EHD3: variants seen among roughly 807,000 people sequenced by gnomAD.
EHD3 encodes EH domain containing 3, also known as EH domain-containing protein 3.
A neutral mutation model predicts 43.0 loss-of-function variants in EHD3; 17 were observed. The observed-to-expected ratio is 0.40, with a 90% CI of 0.27 to 0.59. The LOEUF (loss-of-function observed/expected upper bound fraction) is 0.59. EHD3 is among the 20% of genes least tolerant of loss of function. The pLI, the probability that EHD3 is intolerant of heterozygous loss-of-function variation, is 0.49. For missense variants in EHD3, 594 were observed against 705.6 expected (o/e 0.84, Z 1.79); for synonymous variants, 313 against 289.5 (o/e 1.08, Z -0.82).
At chr2:31,240,586 G>A (rs1399173761) in intron 1 of EHD3, among the ~76,000 whole-genome samples, 1 of 152,198 alleles carries the variant, frequency 6.6e-6, no homozygotes, top group Non-Finnish European at 1.5e-5. Context: ...GGGTTTAGCA[G>A]GACAAACTCT....
chr2:31,263,289 T>C (rs1436016410), intron 5 of EHD3, among the ~76,000 whole-genome samples: 6 of 152,204 alleles, frequency 3.9e-5, no homozygotes, highest in Non-Finnish European at 5.9e-5. Context: ...TAAGCAAACA[T>C]TTGGGAAGAT....
At chr2:31,249,553 C>T (rs2148719024) in intron 3 of EHD3, 85 bp downstream of exon 3, 2 of 1,203,578 alleles carry the variant, frequency 1.7e-6, no homozygotes, top group Admixed American at 3.8e-5. Flanking sequence ...GAGAAGCACC[C>T]AGGGCCATGC....
chr2:31,261,922 C>T (rs933395876), intron 5 of EHD3, among the ~76,000 whole-genome samples: 1 of 152,172 alleles, frequency 6.6e-6, no homozygotes, highest in African/African-American at 2.4e-5. Context: ...AAACACGGAG[C>T]CCACCGCCCC....
chr2:31,250,969 T>G (rs1399048955), intron 3 of EHD3, among the ~76,000 whole-genome samples: 1 of 152,178 alleles, frequency 6.6e-6, no homozygotes, highest in Non-Finnish European at 1.5e-5. Context: ...TGTGCCACAA[T>G]AGTGGGGCCC....
intron 1 of EHD3, among the ~76,000 whole-genome samples, chr2:31,238,065 G>C (rs1683354632): frequency 6.6e-6 from 1 of 152,126 alleles, no homozygotes; most frequent in South Asian, 2.1e-4. Context: ...AGGTTGGGCA[G>C]GGTTTTGTTT....
At chr2:31,253,893 C>G (rs1378737387) in intron 3 of EHD3, among the ~76,000 whole-genome samples, 1 of 152,164 alleles carries the variant, frequency 6.6e-6, no homozygotes. Context: ...TGGCTCATTA[C>G]TGGGAAGAAG....
chr2:31,264,920 T>G (rs1683918132), intron 5 of EHD3, among the ~76,000 whole-genome samples: 1 of 152,210 alleles, frequency 6.6e-6, no homozygotes, highest in Admixed American at 6.5e-5. Context: ...ATCCTTATTC[T>G]ATAAGTTTTT....
In EHD3 at chr2:31,266,348, C is replaced by G; in HGVS notation, c.1252C>G (p.Leu418Val). ...GAAGGGCGGAGCGTTCGAGGGCACC[C>G]TGCACGGCCCCTTTGGGCATGGCTA... ...MVKGGAFEGT[L>V]HGPFGHGYGE... is the part of the protein sequence containing the mutation. Residue 418 changes from leucine to valine, a missense_variant, in exon 6 of 6, where the codon CTG (leucine) becomes GTG (valine). Leu to Val is a conservative substitution (Grantham distance 32). Coordinates refer to ENST00000322054, the MANE Select transcript of EHD3 (RefSeq NM_014600.3). The surrounding 1 kb of genome is among the most constrained non-coding windows in gnomAD (Gnocchi z 5.1). 6.2e-7 allele frequency: 1 copy of G among 1,614,168 alleles called. No homozygotes were observed. Among genetic ancestry groups the G allele is most frequent in the Middle Eastern group, 1.6e-4 (1 of 6,062 alleles).
In EHD3 at chr2:31,244,307, G is replaced by C. The variant is rs1011423977; in HGVS notation, c.261G>C (p.Arg87Ser). ...YLLEQDFPGM[R>S]IGPEPTTDSF... is the part of the protein sequence containing the mutation. The stretch of plus-strand genomic sequence containing the variant: ...TGGAACAGGACTTCCCAGGCATGAG[G>C]ATTGGGCCTGAGCCCACCACAGACT... Residue 87 changes from arginine (R) to serine (S), a missense_variant, in exon 2 of 6, where the codon AGG becomes AGC. Arg to Ser is a moderately radical substitution (Grantham distance 110, BLOSUM62 -1). Transcript: ENST00000322054. 6.2e-7 allele frequency: 1 copy of C among 1,614,130 alleles called. No individual in the cohort carries two copies. The highest frequency in any genetic ancestry group is 8.5e-7 in the Non-Finnish European group (1 of 1,179,990).
At chr2:31,257,747 G>A (rs926064789) in intron 3 of EHD3, among the ~76,000 whole-genome samples, 4 of 152,270 alleles carry the variant, frequency 2.6e-5, no homozygotes, top group African/African-American at 9.6e-5. Flanking sequence ...TAGAGTTTGC[G>A]TGAACATCTC....
chr2:31,265,739 A>G (rs1240377094), intron 5 of EHD3, among the ~76,000 whole-genome samples: 2 of 152,172 alleles, frequency 1.3e-5, no homozygotes, highest in Admixed American at 1.3e-4. Context: ...GGTGATTTTC[A>G]AGTACAGTAT....
rs1035933049 is a variant in EHD3, at chr2:31,260,325, GA to G, written c.503-178del. ...TTAGTATTTAACAGTATTTTTAGACGAAAAAAATTCTATGAGACATTGAGTA... is the reference window on the plus strand; with the variant it reads ...TTAGTATTTAACAGTATTTTTAGACGAAAAAATTCTATGAGACATTGAGTA... On this transcript the variant is annotated intron_variant, in intron 3 of 5. Coordinates refer to ENST00000322054, the MANE Select transcript of EHD3 (RefSeq NM_014600.3). This position sits in a 1 kb window ranked among gnomAD's most constrained non-coding sequence, Gnocchi z 4.6. Among the ~76,000 whole-genome samples the G allele has an allele frequency of 2.0e-5, 3 of 152,028 alleles. No individual in the cohort carries two copies. Among genetic ancestry groups the G allele is most frequent in the African/African-American group, 4.8e-5 (2 of 41,394 alleles).
At position 31,260,699 on chromosome 2, in the gene EHD3, G is replaced by A. The variant is rs113087929; in HGVS notation, c.692G>A (p.Arg231Gln). Reference protein sequence around the residue: ...ADQIETQQLMRVYGALMWSLG... With the variant: ...ADQIETQQLMQVYGALMWSLG... Reference sequence around the variant, plus strand: ...CAGATCGAGACGCAGCAGCTGATGCGGGTGTACGGGGCCCTCATGTGGTCC... The same window carrying A: ...CAGATCGAGACGCAGCAGCTGATGCAGGTGTACGGGGCCCTCATGTGGTCC... Residue 231 changes from arginine (R) to glutamine (Q), a missense_variant, in exon 4 of 6, where the codon CGG (arginine) becomes CAG (glutamine). Arg to Gln is a conservative substitution (Grantham distance 43). Transcript: ENST00000322054. This position sits in a 1 kb window ranked among gnomAD's most constrained non-coding sequence, Gnocchi z 4.6. 13 of 1,614,204 alleles carry A rather than the reference G, an allele frequency of 8.1e-6. No homozygotes were observed. The East Asian group carries it at 8.9e-5, about 11-fold the overall frequency.
At chr2:31,256,464 T>C (rs1398899509) in intron 3 of EHD3, among the ~76,000 whole-genome samples, 1 of 152,200 alleles carries the variant, frequency 6.6e-6, no homozygotes, top group East Asian at 1.9e-4. Context: ...CAAATACTGA[T>C]AGTGCACCTG....
chr2:31,243,460 C>CTTTCTTTTTTTTTTTTT (rs1553402472), intron 1 of EHD3, among the ~76,000 whole-genome samples: 4 of 98,466 alleles, frequency 4.1e-5, no homozygotes, highest in African/African-American at 1.8e-4. Flanking sequence ...TTCTTTCTTT[C>CTTTCTTTTTTTTTTTTT]TTTTTTTTTT....
rs1424422290 is a variant in EHD3, at chr2:31,234,597, G to A, written c.-25G>A. ...AGGAGGAGTCTTCCCCTGGGGCTGC[G>A]TGCCGGGGGCGAGCGGCGGCCGCGA... On this transcript the variant is annotated 5_prime_UTR_variant, in exon 1 of 6. The change creates a new upstream start codon in the 5' untranslated region. Coordinates refer to ENST00000322054, the MANE Select transcript of EHD3 (RefSeq NM_014600.3). 3 of 1,612,354 alleles carry A rather than the reference G, an allele frequency of 1.9e-6. No individual in the cohort carries two copies. Among genetic ancestry groups the A allele is most frequent in the African/African-American group, 1.3e-5 (1 of 75,044 alleles).
intron 1 of EHD3, among the ~76,000 whole-genome samples, chr2:31,238,541 G>A (rs1446251316): frequency 1.3e-5 from 2 of 152,246 alleles, no homozygotes; most frequent in Non-Finnish European, 2.9e-5. Context: ...ACAGTAAATT[G>A]GCTTGGCGGC....
intron 1 of EHD3, among the ~76,000 whole-genome samples, chr2:31,238,820 A>G (rs180731687): frequency 1.6e-4 from 25 of 152,294 alleles, no homozygotes; most frequent in African/African-American, 6.0e-4. Context: ...TCCATGGGCC[A>G]TGAGGGAGGC....
Position 31,266,346 on chromosome 2 carries a change from C to A in EHD3, c.1250C>A (p.Thr417Asn), listed in dbSNP as rs746080462. The part of the protein sequence containing the change: ...QMVKGGAFEG[T>N]LHGPFGHGYG... ...GTGAAGGGCGGAGCGTTCGAGGGCA[C>A]CCTGCACGGCCCCTTTGGGCATGGC... is the stretch of plus-strand genomic sequence containing the variant. The change falls in exon 6 of 6, where the codon ACC (threonine) becomes AAC (asparagine). Residue 417 changes from threonine to asparagine, a missense_variant. Coordinates refer to ENST00000322054, the MANE Select transcript of EHD3 (RefSeq NM_014600.3). The surrounding 1 kb of genome is among the most constrained non-coding windows in gnomAD (Gnocchi z 5.1). 3 of 1,614,164 alleles carry A rather than the reference C, an allele frequency of 1.9e-6. No homozygotes were observed. Among genetic ancestry groups the A allele is most frequent in the Non-Finnish European group, 1.7e-6 (2 of 1,180,028 alleles).
Sources: allele counts gnomAD v4.1 joint callset (sites outside exome capture counted in the v4.1 genomes callset), GRCh38; gene constraint gnomAD v4.1.1; non-coding constraint Gnocchi (gnomAD v3.1); transcripts MANE v1.5; gene names NCBI Gene and HGNC (gene_info 2026-07-23, HGNC 2026-07-21).